Variants in EFHD1 observed in about 807,000 individuals in gnomAD.
EFHD1 encodes EF-hand domain family member D1.
EFHD1 carries 10 observed loss-of-function variants against 17.2 expected under a neutral mutation model. That is an observed-to-expected ratio of 0.58 (90% CI 0.36 to 0.99). EFHD1 has a LOEUF of 0.99. EFHD1 is among the 50% of genes least tolerant of loss of function. The probability of loss-of-function intolerance (pLI) is 0.01; values close to 1 mark genes in which losing one functional copy is unlikely to be tolerated. For synonymous variants in EFHD1, 153 were observed against 142.0 expected, an observed-to-expected ratio of 1.08 and a Z score of -0.55; for missense variants, 310 against 327.5, an observed-to-expected ratio of 0.95 and a Z score of 0.41.
intron 3 of EFHD1, among the ~76,000 whole-genome samples, chr2:232,673,907 CTTTTTTTTT>C (rs11409819): frequency 9.2e-5 from 11 of 119,980 alleles, no homozygotes; most frequent in Non-Finnish European, 1.7e-4. Context: ...AAGACTTCTT[CTTTTTTTTT>C]TTTTTTTTTT....
At chr2:232,637,395 G>A (rs1694338363) in intron 1 of EFHD1, among the ~76,000 whole-genome samples, 1 of 148,628 alleles carries the variant, frequency 6.7e-6, no homozygotes, top group Admixed American at 6.8e-5. Context: ...CCAGGCTGGA[G>A]TGCAGTGGTG....
chr2:232,607,311 C>T (rs759123601), intron 1 of EFHD1, among the ~76,000 whole-genome samples: 27 of 151,668 alleles, frequency 1.8e-4, no homozygotes, highest in Non-Finnish European at 3.5e-4. Flanking sequence ...TCGGGCTGGG[C>T]GCGGTGGCTC....
intron 1 of EFHD1, among the ~76,000 whole-genome samples, chr2:232,610,019 C>T (rs1306943043): frequency 6.6e-6 from 1 of 152,214 alleles, no homozygotes; most frequent in Non-Finnish European, 1.5e-5. Context: ...AACCCTCACA[C>T]ATGCATTAAA....
chr2:232,672,554 A>G (rs750439515), intron 3 of EFHD1, 111 bp downstream of exon 3: 2 of 1,456,316 alleles, frequency 1.4e-6, no homozygotes, highest in South Asian at 1.4e-5. Context: ...GAAACAGACC[A>G]GGAGGGTCCT....
At chr2:232,611,256 C>T (rs1235128854) in intron 1 of EFHD1, among the ~76,000 whole-genome samples, 1 of 152,090 alleles carries the variant, frequency 6.6e-6, no homozygotes, top group Non-Finnish European at 1.5e-5. Flanking sequence ...AAGCGTGAGT[C>T]CCTGTGCCCG....
chr2:232,613,717 T>C (rs1281430560), intron 1 of EFHD1, among the ~76,000 whole-genome samples: 1 of 132,142 alleles, frequency 7.6e-6, no homozygotes, highest in African/African-American at 2.9e-5. Context: ...CACACACAAA[T>C]ATACACACAC....
rs751526786 is a variant in EFHD1, at chr2:232,681,712, A to G, written c.713A>G (p.Asn238Ser). 2 of 1,614,102 alleles carry G rather than the reference A, an allele frequency of 1.2e-6. No homozygotes were observed. Among genetic ancestry groups the G allele is most frequent in the African/African-American group, 1.3e-5 (1 of 75,080 alleles). ...TTCCAGAAACTCAAGGCCAACTTCA[A>G]TACATAGTCCTGCTGACCTTGCCCT... is the stretch of plus-strand genomic sequence containing the variant. The part of the protein sequence containing the change: ...AAFQKLKANF[N>S]T The change falls in exon 4 of 4, where the codon AAT becomes AGT. Residue 238 changes from asparagine to serine, a missense_variant. Coordinates refer to ENST00000264059, the MANE Select transcript of EFHD1 (RefSeq NM_025202.4).
At chr2:232,643,492 C>T (rs1694470042) in intron 1 of EFHD1, among the ~76,000 whole-genome samples, 1 of 151,616 alleles carries the variant, frequency 6.6e-6, no homozygotes, top group African/African-American at 2.4e-5. Flanking sequence ...ACTGCAGCCT[C>T]GACCTCCTGG....
At chr2:232,640,201 C>T (rs1694403190) in intron 1 of EFHD1, among the ~76,000 whole-genome samples, 1 of 152,166 alleles carries the variant, frequency 6.6e-6, no homozygotes, top group Non-Finnish European at 1.5e-5. Flanking sequence ...CTTCCACGTT[C>T]CAAGGCTGCA....
chr2:232,653,755 A>G (rs534456338), intron 1 of EFHD1, among the ~76,000 whole-genome samples: 1 of 152,242 alleles, frequency 6.6e-6, no homozygotes, highest in South Asian at 2.1e-4. Flanking sequence ...TTACATGGTC[A>G]TATCTCCACA....
At chr2:232,642,125 C>T (rs1371404820) in intron 1 of EFHD1, among the ~76,000 whole-genome samples, 2 of 152,110 alleles carry the variant, frequency 1.3e-5, no homozygotes, top group Non-Finnish European at 2.9e-5. Context: ...TGGCTCACGC[C>T]TGTAATCCCA....
chr2:232,609,488 T>C (rs1306434143), intron 1 of EFHD1, among the ~76,000 whole-genome samples: 2 of 152,212 alleles, frequency 1.3e-5, no homozygotes, highest in African/African-American at 4.8e-5. Flanking sequence ...ATCATTTTGT[T>C]GCAGTGCCTA....
At position 232,679,712 on chromosome 2, in the gene EFHD1, G is replaced by A. The variant is rs369149982; in HGVS notation, c.586-1873G>A. Among the ~76,000 whole-genome samples the A allele has an allele frequency of 9.1e-4, 114 of 125,216 alleles. 1 individual carries two copies. The East Asian group carries it at 0.025, about 28-fold the overall frequency. 82.1% of individuals were successfully genotyped at this position (125,216 alleles called of 152,430 possible). On this transcript the variant is annotated intron_variant, in intron 3 of 3. Transcript: ENST00000264059. ...CTCAACCTGGGGGATGGAGCAAGAC[G>A]TTTCTAAAAAAAAAAAAAAAAAGGA... is the stretch of plus-strand genomic sequence containing the variant.
At chr2:232,659,952 C>A (rs1574725594) in intron 1 of EFHD1, among the ~76,000 whole-genome samples, 1 of 152,028 alleles carries the variant, frequency 6.6e-6, no homozygotes, top group South Asian at 2.1e-4. Context: ...ACAACCAGGT[C>A]TTGCAAGAAC....
intron 1 of EFHD1, 21 bp downstream of exon 1, chr2:232,634,027 C>T (rs1397286134): frequency 2.5e-6 from 4 of 1,596,152 alleles, no homozygotes; most frequent in Non-Finnish European, 3.4e-6. Flanking sequence ...GCTGCGCGCC[C>T]TTCGCCCCCG....
chr2:232,666,354 G>A (rs950689898), intron 2 of EFHD1, among the ~76,000 whole-genome samples: 1 of 152,194 alleles, frequency 6.6e-6, no homozygotes, highest in Non-Finnish European at 1.5e-5. Flanking sequence ...GCTCCTGCTG[G>A]GGTACTGGCT....
intron 1 of EFHD1, among the ~76,000 whole-genome samples, chr2:232,621,026 C>G (rs749462045): frequency 6.6e-6 from 1 of 152,164 alleles, no homozygotes; most frequent in Admixed American, 6.5e-5. Context: ...CTGAGCCACA[C>G]AGCCAATTTG....
chr2:232,621,445 C>T (rs1030285980), intron 1 of EFHD1, among the ~76,000 whole-genome samples: 3 of 97,320 alleles, frequency 3.1e-5, no homozygotes, highest in South Asian at 2.5e-4. Flanking sequence ...GGTATTCTTT[C>T]GTTTTTTCTT....
intron 1 of EFHD1, among the ~76,000 whole-genome samples, chr2:232,651,451 AG>A (rs201175728): frequency 0.015 from 2,290 of 152,332 alleles, 28 homozygotes; most frequent in Non-Finnish European, 0.025. Context: ...CCTTGTCTTA[AG>A]GGGCTTTCAC....
Sources: allele counts gnomAD v4.1 joint callset (sites outside exome capture counted in the v4.1 genomes callset), GRCh38; gene constraint gnomAD v4.1.1; transcripts MANE v1.5; gene names NCBI Gene and HGNC (gene_info 2026-07-23, HGNC 2026-07-21).